MTMR10: variants seen among roughly 807,000 people sequenced by gnomAD.
MTMR10 encodes the protein myotubularin related protein 10.
MTMR10 carries 56 observed loss-of-function variants against 88.1 expected under a neutral mutation model. That is an observed-to-expected ratio of 0.64 (90% CI 0.51 to 0.79). The LOEUF (loss-of-function observed/expected upper bound fraction) is 0.79. MTMR10 is among the 30% of genes least tolerant of loss of function. The probability of loss-of-function intolerance (pLI) is 0.00; values close to 1 mark genes in which losing one functional copy is unlikely to be tolerated. For synonymous variants in MTMR10, 380 were observed against 340.9 expected, an observed-to-expected ratio of 1.11 and a Z score of -1.26; for missense variants, 883 against 924.7, an observed-to-expected ratio of 0.95 and a Z score of 0.58.
rs1472095754 is a variant in MTMR10, at chr15:30,960,816, G to A, written c.758+65C>T. On this transcript the variant is annotated intron_variant, in intron 7 of 15. Coordinates refer to ENST00000435680, the MANE Select transcript of MTMR10 (RefSeq NM_017762.3). ...CTTGAAAGTCATCAATGACAACAGA[G>A]TTTGATGATTATTCATAGGGAAGTG... 38 of 1,425,280 alleles carry A rather than the reference G, an allele frequency of 2.7e-5. No homozygotes were observed. The East Asian group carries it at 9.3e-4, about 35-fold the overall frequency. The allele number at this position is 1,425,280 out of a possible 1,614,324, so 88.3% of individuals were successfully genotyped here.
At chr15:30,930,797 G>T in the MTMR10 span, 112 of 1,222,766 alleles carry the variant, frequency 9.2e-5, no homozygotes, top group Non-Finnish European at 1.3e-4. Flanking sequence ...TTGGGCCGAG[G>T]GCCTGGGTTC....
Position 30,968,008 on chromosome 15 carries a change from T to C in MTMR10, c.477A>G (p.Val159=). ...DESGPESAKK[V]CLAIAHYSQP... is the part of the protein sequence containing the mutation. ...GGGAATAATGAGCTATTGCAAGGCA[T>C]ACCTAGGAAAAATTCTACATTTAGA... is the stretch of plus-strand genomic sequence containing the variant. Residue 159 remains valine, a splice_region_variant and synonymous_variant, in exon 6 of 16, where the codon GTA becomes GTG. Coordinates refer to ENST00000435680, the MANE Select transcript of MTMR10 (RefSeq NM_017762.3). 6.4e-7 allele frequency: 1 copy of C among 1,556,864 alleles called. No individual in the cohort carries two copies. Among genetic ancestry groups the C allele is most frequent in the Non-Finnish European group, 8.7e-7 (1 of 1,148,270 alleles).
At chr15:30,985,458 C>T (rs2030883002) in intron 2 of MTMR10, among the ~76,000 whole-genome samples, 1 of 152,190 alleles carries the variant, frequency 6.6e-6, no homozygotes, top group Admixed American at 6.5e-5. Flanking sequence ...CCAGGTGGGC[C>T]GTGCTACTTA....
At chr15:30,948,154 G>T in intron 13 of MTMR10, 148 bp downstream of exon 13, 1 of 636,066 alleles carries the variant, frequency 1.6e-6, no homozygotes, top group Non-Finnish European at 2.4e-6. Flanking sequence ...ACATCAATTT[G>T]AACTCTAATC....
chr15:30,946,000 T>C (rs979458779), intron 14 of MTMR10, among the ~76,000 whole-genome samples: 2 of 152,202 alleles, frequency 1.3e-5, no homozygotes, highest in African/African-American at 4.8e-5. Context: ...TTGAGTTTCT[T>C]TGAGCCCTGG....
At chr15:30,974,874 C>A in intron 4 of MTMR10, 57 bp downstream of exon 4, 1 of 1,216,342 alleles carries the variant, frequency 8.2e-7, no homozygotes, top group Non-Finnish European at 1.1e-6. Context: ...TATGACTTTT[C>A]AAATAATACT....
At position 30,941,302 on chromosome 15, in the gene MTMR10, A is replaced by ATT. The variant is rs146513200; in HGVS notation, c.*167_*168insAA. ...GAACAAAATTTACATCTCTCTTAAA[A>ATT]TAAGTGTGAAAGAAGCATGATTCAA... On this transcript the variant is annotated 3_prime_UTR_variant, in exon 16 of 16. Coordinates refer to ENST00000435680, the MANE Select transcript of MTMR10 (RefSeq NM_017762.3). 1,416 of 1,521,534 alleles carry ATT rather than the reference A, an allele frequency of 9.3e-4. 13 individuals are homozygous for ATT. In the East Asian group the frequency reaches 0.028, roughly 30 times the overall value. 94.3% of individuals were successfully genotyped at this position (1,521,534 alleles called of 1,614,324 possible). A position where few individuals can be genotyped will look rare whatever the true frequency, so the allele number is the denominator to read the frequency against.
intron 5 of MTMR10, among the ~76,000 whole-genome samples, chr15:30,970,529 A>G (rs1477990613): frequency 2.0e-5 from 3 of 152,288 alleles, no homozygotes; most frequent in Admixed American, 6.5e-5. Flanking sequence ...CAGTGGCTAC[A>G]CTAATATTCA....
chr15:30,961,053 G>A lies in MTMR10; in HGVS notation c.586C>T (p.Pro196Ser), dbSNP rs1212655839. 1.3e-6 allele frequency: 2 copies of A among 1,549,410 alleles called. No homozygotes were observed. Among genetic ancestry groups the A allele is most frequent in the Non-Finnish European group, 1.7e-6 (2 of 1,146,584 alleles). ...CCTCCTCCTCCTCCATCTCCTGAGG[G>A]AATTCCATTAATTTTGTTTGCTGTA... The part of the protein sequence containing the change: ...HNSANKINGI[P>S]SGDGGGGGGG... Residue 196 changes from proline to serine, a missense_variant, in exon 7 of 16, where the codon CCC becomes TCC. Pro to Ser is a moderately conservative substitution (Grantham distance 74). Coordinates refer to ENST00000435680, the MANE Select transcript of MTMR10 (RefSeq NM_017762.3).
At chr15:30,951,872 G>T in intron 12 of MTMR10, 96 bp downstream of exon 12, 1 of 1,053,138 alleles carries the variant, frequency 9.5e-7, no homozygotes, top group Non-Finnish European at 1.5e-6. Flanking sequence ...ATAAGAAATA[G>T]CTAAAACTGA....
the MTMR10 span, chr15:30,922,424 T>G: frequency 6.9e-7 from 1 of 1,443,118 alleles, no homozygotes; most frequent in Admixed American, 2.2e-5. Flanking sequence ...ATGGCAAACT[T>G]AATGCCTTAA....
At chr15:30,946,694 T>A in intron 14 of MTMR10, 1 of 701,146 alleles carries the variant, frequency 1.4e-6, no homozygotes, top group East Asian at 2.7e-5. Context: ...TAGTCATAAA[T>A]CCTCTACATC....
chr15:30,978,732 G>A (rs904837924), intron 2 of MTMR10, among the ~76,000 whole-genome samples: 1 of 152,144 alleles, frequency 6.6e-6, no homozygotes, highest in African/African-American at 2.4e-5. Flanking sequence ...AAAAGAAGTA[G>A]TGGACTTCGC....
downstream of MTMR10, chr15:30,937,148 T>C: frequency 1.2e-6 from 2 of 1,613,816 alleles, no homozygotes; most frequent in Middle Eastern, 1.6e-4. Context: ...CCAATGATCG[T>C]CTTTCACATA....
chr15:30,930,631 C>G, the MTMR10 span: 4 of 1,612,746 alleles, frequency 2.5e-6, no homozygotes, highest in Non-Finnish European at 8.5e-7. Context: ...GGGGGCCTCC[C>G]CGACCTGGTG....
Position 30,941,348 on chromosome 15 carries a change from C to T in MTMR10, c.*122G>A, listed in dbSNP as rs2063045434. On this transcript the variant is annotated 3_prime_UTR_variant, in exon 16 of 16. Coordinates refer to ENST00000435680, the MANE Select transcript of MTMR10 (RefSeq NM_017762.3). ...TTCAACATGTTTTTAAATATTAGTG[C>T]AAATTCCAACTATTATTCTTACATA... is the stretch of plus-strand genomic sequence containing the variant. 6.5e-7 allele frequency: 1 copy of T among 1,534,708 alleles called. No individual in the cohort carries two copies. The highest frequency in any genetic ancestry group is 8.7e-7 in the Non-Finnish European group (1 of 1,144,176).
the MTMR10 span, among the ~76,000 whole-genome samples, chr15:30,932,051 T>A: frequency 2.0e-5 from 3 of 151,404 alleles, no homozygotes; most frequent in Admixed American, 1.3e-4. Context: ...TGAAACCCCG[T>A]CTCTACTAAA....
Position 30,974,449 on chromosome 15 carries a change from G to T in MTMR10, c.339C>A (p.Asp113Glu). The T allele has an allele frequency of 6.6e-7, 1 of 1,523,102 alleles. No individual in the cohort carries two copies. 94.3% of individuals were successfully genotyped at this position (1,523,102 alleles called of 1,614,324 possible). The stretch of plus-strand genomic sequence containing the variant: ...CTAGGACTTTCTGCTTCCTCTTGTG[G>T]TCGTTTACTAAAAAAGAAAAAAAAA... Reference protein sequence around the residue: ...TCIEQIVTVNDHKRKQKVLGP... With the variant: ...TCIEQIVTVNEHKRKQKVLGP... The change falls in exon 5 of 16, where the codon GAC becomes GAA. Residue 113 changes from aspartate (D) to glutamate (E), a missense_variant. Transcript: ENST00000435680.
intron 9 of MTMR10, among the ~76,000 whole-genome samples, chr15:30,955,756 T>C (rs1348006828): frequency 2.0e-5 from 3 of 152,172 alleles, no homozygotes; most frequent in African/African-American, 4.8e-5. Flanking sequence ...TCTCCAGCTC[T>C]AGAGAATGCA....
Sources: gnomAD v4.1 joint callset for allele counts (sites outside exome capture counted in the v4.1 genomes callset) on GRCh38, gnomAD v4.1.1 for gene constraint, MANE v1.5 for transcripts, NCBI Gene and HGNC (gene_info 2026-07-23, HGNC 2026-07-21) for gene names.